The following GLG1 variants were observed in gnomAD, a reference collection of about 807,000 sequenced individuals.
GLG1 encodes the protein golgi glycoprotein 1.
In GLG1, 38 loss-of-function variants were observed where a neutral mutation model predicts 160.5. The ratio of observed to expected loss-of-function variants is 0.24; its 90% CI spans 0.18 to 0.31. The LOEUF (loss-of-function observed/expected upper bound fraction) is 0.31, where lower values mean the gene tolerates loss of function less well. GLG1 is among the 10% of genes least tolerant of loss of function. GLG1 has a pLI of 1.00. For synonymous variants in GLG1, 644 were observed against 543.4 expected (o/e 1.19, Z -2.57); for missense variants, 1,373 against 1,505.2 (o/e 0.91, Z 1.45).
At chr16:74,532,814 A>G (rs956647501) in intron 1 of GLG1, among the ~76,000 whole-genome samples, 3 of 152,136 alleles carry the variant, frequency 2.0e-5, no homozygotes, top group African/African-American at 7.2e-5. Context: ...GATGTGAATT[A>G]CCGTTCCCAG....
intron 13 of GLG1, chr16:74,474,055 G>C (rs1476737591): frequency 6.5e-6 from 1 of 153,932 alleles, no homozygotes; most frequent in Non-Finnish European, 1.4e-5. Context: ...CCGGGTTCAA[G>C]TGATTCTCCT....
chr16:74,564,609 T>C (rs143012618), intron 1 of GLG1, among the ~76,000 whole-genome samples: 13 of 152,294 alleles, frequency 8.5e-5, no homozygotes, highest in Non-Finnish European at 1.8e-4. Context: ...CCCAAAAGGA[T>C]GGTAACTGAG....
intron 1 of GLG1, among the ~76,000 whole-genome samples, chr16:74,538,467 T>C (rs2017744847): frequency 6.6e-6 from 1 of 152,222 alleles, no homozygotes; most frequent in South Asian, 2.1e-4. Context: ...CAAGTCTAAA[T>C]GCAATCTCGA....
At chr16:74,560,078 A>G (rs538003308) in intron 1 of GLG1, among the ~76,000 whole-genome samples, 5 of 152,038 alleles carry the variant, frequency 3.3e-5, no homozygotes, top group Non-Finnish European at 4.4e-5. Context: ...TTTTGTGTCA[A>G]CTTCACTGGG....
chr16:74,574,355 A>G (rs1042206266), intron 1 of GLG1, among the ~76,000 whole-genome samples: 6 of 152,202 alleles, frequency 3.9e-5, no homozygotes, highest in African/African-American at 1.4e-4. Context: ...TATCTAATAT[A>G]AAAGACCAGA....
At chr16:74,462,291 C>A in intron 21 of GLG1, 96 bp from the exon 22 acceptor site, 2 of 808,974 alleles carry the variant, frequency 2.5e-6, no homozygotes, top group South Asian at 1.6e-5. Flanking sequence ...ACAACAACCA[C>A]AAGAACAAGA....
intron 1 of GLG1, among the ~76,000 whole-genome samples, chr16:74,575,335 C>A (rs1429810310): frequency 2.0e-5 from 3 of 152,154 alleles, no homozygotes; most frequent in Admixed American, 6.6e-5. Context: ...TGCACCATTA[C>A]TTTACGTACC....
intron 2 of GLG1, among the ~76,000 whole-genome samples, chr16:74,511,765 C>T (rs140334396): frequency 6.6e-6 from 1 of 152,086 alleles, no homozygotes; most frequent in East Asian, 1.9e-4. Flanking sequence ...ATAGATTTTC[C>T]GCCAACAGAC....
chr16:74,560,182 C>A (rs909438204), intron 1 of GLG1, among the ~76,000 whole-genome samples: 1 of 152,144 alleles, frequency 6.6e-6, no homozygotes, highest in African/African-American at 2.4e-5. Flanking sequence ...GCAAAGCAGA[C>A]TGTCCTTCCC....
At chr16:74,573,363 A>G (rs200287116) in intron 1 of GLG1, among the ~76,000 whole-genome samples, 19 of 152,208 alleles carry the variant, frequency 1.2e-4, no homozygotes, top group East Asian at 5.8e-4. Context: ...TTTAAGTACA[A>G]TAATAATCGT....
At chr16:74,574,494 A>G (rs1198223558) in intron 1 of GLG1, among the ~76,000 whole-genome samples, 2 of 152,126 alleles carry the variant, frequency 1.3e-5, no homozygotes, top group Non-Finnish European at 2.9e-5. Flanking sequence ...ATCTAACTCA[A>G]AATGCAAATA....
In GLG1 at chr16:74,452,494, G is replaced by A. The variant is rs1597210175; in HGVS notation, c.*673C>T. ...GGAGACCACAGAAATACCCATGGCT[G>A]TGGGGCTGTGACCAGCAGTGGCTGA... On this transcript the variant is annotated 3_prime_UTR_variant, in exon 26 of 26. Transcript: ENST00000422840. 2.9e-5 allele frequency: 30 copies of A among 1,040,494 alleles called. 1 individual carries two copies. In the South Asian group the frequency reaches 1.1e-3, roughly 37 times the overall value. The allele number at this position is 1,040,494 out of a possible 1,614,324, so 64.5% of individuals were successfully genotyped here.
intron 14 of GLG1, among the ~76,000 whole-genome samples, 168 bp from the exon 15 acceptor site, chr16:74,471,454 A>G (rs1044564687): frequency 2.0e-5 from 3 of 152,226 alleles, no homozygotes; most frequent in Non-Finnish European, 4.4e-5. Context: ...AATGGTATAC[A>G]TTCAGTGGCA....
intron 18 of GLG1, among the ~76,000 whole-genome samples, chr16:74,466,224 T>C (rs2014995972): frequency 6.6e-6 from 1 of 152,192 alleles, no homozygotes; most frequent in Admixed American, 6.5e-5. Flanking sequence ...GAAAGACTAC[T>C]GGATGCTAGA....
At chr16:74,526,065 A>G (rs1478219426) in intron 2 of GLG1, among the ~76,000 whole-genome samples, 1 of 152,256 alleles carries the variant, frequency 6.6e-6, no homozygotes, top group Non-Finnish European at 1.5e-5. Context: ...CAGGCTGGCC[A>G]GATACCCAAA....
At chr16:74,560,724 G>GTAA (rs2018488327) in intron 1 of GLG1, among the ~76,000 whole-genome samples, 1 of 151,754 alleles carries the variant, frequency 6.6e-6, no homozygotes, top group Non-Finnish European at 1.5e-5. Flanking sequence ...GCTTAGGCCT[G>GTAA]TAACCCCAGC....
intron 1 of GLG1, among the ~76,000 whole-genome samples, chr16:74,545,590 C>G (rs2018023449): frequency 6.6e-6 from 1 of 152,212 alleles, no homozygotes; most frequent in African/African-American, 2.4e-5. Context: ...ATTCAGATAT[C>G]TATTTTGAAT....
chr16:74,479,915 T>G (rs989520736), intron 11 of GLG1, among the ~76,000 whole-genome samples: 18 of 152,154 alleles, frequency 1.2e-4, no homozygotes, highest in Non-Finnish European at 2.2e-4. Flanking sequence ...GGCTAAAAGC[T>G]TCTAATGGAT....
intron 1 of GLG1, among the ~76,000 whole-genome samples, chr16:74,548,145 TGACTC>T (rs923171507): frequency 1.3e-5 from 2 of 152,224 alleles, no homozygotes; most frequent in Non-Finnish European, 2.9e-5. Context: ...GGTAAGAACT[TGACTC>T]ACAACGAGCA....
Sources: allele counts gnomAD v4.1 joint callset (sites outside exome capture counted in the v4.1 genomes callset), GRCh38; gene constraint gnomAD v4.1.1; transcripts MANE v1.5; gene names NCBI Gene and HGNC (gene_info 2026-07-23, HGNC 2026-07-21).